The following DNASE2 variants were observed in gnomAD, a reference collection of about 807,000 sequenced individuals.
The protein encoded by DNASE2 is deoxyribonuclease 2, lysosomal.
In DNASE2, 26 loss-of-function variants were observed where a neutral mutation model predicts 29.8. That is an observed-to-expected ratio of 0.87 (90% CI 0.64 to 1.21). The LOEUF (loss-of-function observed/expected upper bound fraction) is 1.21, where lower values mean the gene tolerates loss of function less well. Ranked by LOEUF, DNASE2 falls within the 50% of genes most tolerant of loss-of-function variation. The pLI is 0.00. For missense variants in DNASE2, 415 were observed against 455.6 expected (o/e 0.91, Z 0.81); for synonymous variants, 186 against 193.5 (o/e 0.96, Z 0.32).
At position 12,875,872 on chromosome 19, in the gene DNASE2, G is replaced by A; in HGVS notation, c.*118C>T. The A allele has an allele frequency of 7.5e-7, 1 of 1,327,600 alleles. No homozygotes were observed. Among genetic ancestry groups the A allele is most frequent in the Non-Finnish European group, 1.0e-6 (1 of 963,028 alleles). 82.2% of individuals were successfully genotyped at this position (1,327,600 alleles called of 1,614,324 possible). A position where few individuals can be genotyped will look rare whatever the true frequency, so the allele number is the denominator to read the frequency against. On this transcript the variant is annotated 3_prime_UTR_variant, in exon 6 of 6. Transcript: ENST00000222219. ...ACTTTTTTTAAGTTCTAGTAGAGAT[G>A]TGGTCTCACTATGTAGCCCAGGCTG...
At chr19:12,879,974 G>A (rs1481864983) in intron 3 of DNASE2, among the ~76,000 whole-genome samples, 2 of 151,676 alleles carry the variant, frequency 1.3e-5, no homozygotes, top group East Asian at 1.9e-4. Context: ...GCATGGTGGC[G>A]CACACCTGTA....
chr19:12,876,236 T>C lies in DNASE2; in HGVS notation c.837A>G (p.Ile279Met), dbSNP rs1467028484. 3.1e-6 allele frequency: 5 copies of C among 1,614,096 alleles called. No individual in the cohort carries two copies. The Admixed American group carries it at 8.3e-5, about 27-fold the overall frequency. Reference protein sequence around the residue: ...DIWQVLNVNQIAFPGPAGPSF... With the variant: ...DIWQVLNVNQMAFPGPAGPSF... ...TTGGGCCGGCTGGTCCAGGGAAAGC[T>C]ATCTGGTTCACATTCAGAACCTGCC... The change falls in exon 6 of 6, where the codon ATA becomes ATG. Residue 279 changes from isoleucine to methionine, a missense_variant. By Grantham distance (10) the Ile-to-Met change is conservative. Transcript: ENST00000222219.
chr19:12,880,303 T>G (rs562776276), intron 3 of DNASE2, among the ~76,000 whole-genome samples: 1 of 151,514 alleles, frequency 6.6e-6, no homozygotes, highest in Non-Finnish European at 1.5e-5. Context: ...GCCCAAGGTC[T>G]GACAGGGGAG....
intron 5 of DNASE2, 160 bp downstream of exon 5, chr19:12,878,222 C>G (rs975250881): frequency 1.5e-4 from 136 of 882,320 alleles, no homozygotes; most frequent in Middle Eastern, 6.5e-4. Flanking sequence ...ATACATCACA[C>G]AGCAAAACCC....
Position 12,875,300 on chromosome 19 carries a change from G to A in DNASE2, c.*690C>T, listed in dbSNP as rs759529856. The A allele has an allele frequency of 3.5e-5, 7 of 202,622 alleles. No individual in the cohort carries two copies. Among genetic ancestry groups the A allele is most frequent in the East Asian group, 1.3e-4 (1 of 7,704 alleles). 12.6% of individuals were successfully genotyped at this position (202,622 alleles called of 1,614,324 possible). ...AGACAGGTAGACTGTGTCACAGAGCGGTTAAGGCACACAATCAAGGTCATA... is the reference window on the plus strand; with the variant it reads ...AGACAGGTAGACTGTGTCACAGAGCAGTTAAGGCACACAATCAAGGTCATA... On this transcript the variant is annotated 3_prime_UTR_variant, in exon 6 of 6. Transcript: ENST00000222219.
Position 12,878,503 on chromosome 19 carries a change from G to A in DNASE2, c.588C>T (p.Asp196=), listed in dbSNP as rs1489963733. The A allele has an allele frequency of 6.2e-7, 1 of 1,614,014 alleles. No homozygotes were observed. The highest frequency in any genetic ancestry group is 1.3e-5 in the African/African-American group (1 of 74,926). ...GGTGGCCCTTGACCACATTCTCCAA[G>A]TCGGGGAATTCCTGGGCAAAGATCC... is the stretch of plus-strand genomic sequence containing the variant. The part of the protein sequence containing the change: ...LEGIFAQEFP[D]LENVVKGHHV... The change falls in exon 5 of 6, where the codon GAC becomes GAT. Residue 196 remains aspartate, a synonymous_variant. Transcript: ENST00000222219.
intron 3 of DNASE2, among the ~76,000 whole-genome samples, chr19:12,879,787 T>C (rs1163601674): frequency 1.3e-5 from 2 of 151,916 alleles, no homozygotes; most frequent in Non-Finnish European, 2.9e-5. Flanking sequence ...CTAGGCAACA[T>C]GGCAAAAGCC....
Position 12,876,009 on chromosome 19 carries a change from C to T in DNASE2, c.1064G>A (p.Ser355Asn), listed in dbSNP as rs752955913. The part of the protein sequence containing the change: ...QPCNGMARKP[S>N]RAYKI ...TAAGGGTTAGATCTTATAAGCTCTG[C>T]TGGGCTTCCTGGCCATGCCATTACA... Residue 355 changes from serine (S) to asparagine (N), a missense_variant, in exon 6 of 6, where the codon AGC (serine) becomes AAC (asparagine). Physicochemically the swap from Ser to Asn is conservative, Grantham distance 46. Transcript: ENST00000222219. The T allele has an allele frequency of 3.1e-6, 5 of 1,613,598 alleles. No homozygotes were observed. The South Asian group carries it at 5.5e-5, about 18-fold the overall frequency.
chr19:12,875,708 C>T lies in DNASE2; in HGVS notation c.*282G>A, dbSNP rs11670107. The T allele has an allele frequency of 2.3e-5, 7 of 300,522 alleles. No homozygotes were observed. Among genetic ancestry groups the T allele is most frequent in the African/African-American group, 1.1e-4 (5 of 43,732 alleles). The allele number at this position is 300,522 out of a possible 1,614,324, so 18.6% of individuals were successfully genotyped here. A position where few individuals can be genotyped will look rare whatever the true frequency, so the allele number is the denominator to read the frequency against. On this transcript the variant is annotated 3_prime_UTR_variant, in exon 6 of 6. Coordinates refer to ENST00000222219, the MANE Select transcript of DNASE2 (RefSeq NM_001375.3). ...TGCACCCACCCGTCCCCCGCCCCCC[C>T]TTTTTTTTTGAAACAGAGTCTTGCT...
Position 12,878,583 on chromosome 19 carries a change from G to A in DNASE2, c.512-4C>T. The A allele has an allele frequency of 5.0e-6, 8 of 1,613,972 alleles. No homozygotes were observed. Among genetic ancestry groups the A allele is most frequent in the Non-Finnish European group, 6.8e-6 (8 of 1,179,988 alleles). ...TAGGTGTAGGTCAGCTGCTTGCCTG[G>A]AGGACAAGGGGAGGAGGAAATGCAA... On this transcript the variant is annotated splice_polypyrimidine_tract_variant and splice_region_variant and intron_variant, in intron 4 of 5. Coordinates refer to ENST00000222219, the MANE Select transcript of DNASE2 (RefSeq NM_001375.3).
rs1275901249 is a variant in DNASE2 at position 12,878,835 on chromosome 19, C to A, written c.347-1G>T. On this transcript the variant is annotated splice_acceptor_variant, in intron 3 of 5. Transcript: ENST00000222219. LOFTEE classifies it high-confidence loss of function. ...CCATCGTGGTCAAGGAGCAGGACAC[C>A]TGGACCAAAAGAAGGCATTAGGGGA... 3 of 1,611,964 alleles carry A rather than the reference C, an allele frequency of 1.9e-6. No homozygotes were observed. The highest frequency in any genetic ancestry group is 2.2e-5 in the South Asian group (2 of 90,858).
At position 12,878,815 on chromosome 19, in the gene DNASE2, G is replaced by C; in HGVS notation, c.366C>G (p.His122Gln). The change falls in exon 4 of 6, where the codon CAC becomes CAG. Residue 122 changes from histidine to glutamine, a missense_variant. His to Gln is a conservative substitution (Grantham distance 24, BLOSUM62 0). Transcript: ENST00000222219. ...GHTKGVLLLDHDGGFWLVHSV... is the reference protein window; with the variant it reads ...GHTKGVLLLDQDGGFWLVHSV... Reference sequence around the variant, plus strand: ...TGTGGACCAGCCAGAAGCCCCCATCGTGGTCAAGGAGCAGGACACCTGGAC... The same window carrying C: ...TGTGGACCAGCCAGAAGCCCCCATCCTGGTCAAGGAGCAGGACACCTGGAC... 1.2e-6 allele frequency: 2 copies of C among 1,613,344 alleles called. No homozygotes were observed. The highest frequency in any genetic ancestry group is 2.2e-5 in the South Asian group (2 of 90,998).
chr19:12,881,308 G>T lies in DNASE2; in HGVS notation c.68C>A (p.Ser23Tyr). The change falls in exon 1 of 6, where the codon TCC becomes TAC. Residue 23 changes from serine (S) to tyrosine (Y), a missense_variant. Physicochemically the swap from Ser to Tyr is moderately radical, Grantham distance 144. Coordinates refer to ENST00000222219, the MANE Select transcript of DNASE2 (RefSeq NM_001375.3). ...PAGALTCYGD[S>Y]GQPVDWFVVY... ...CACTCACCAGTCTACAGGCTGCCCGGAGTCCCCGTAGCAGGTCAGGGCCCC... is the reference window on the plus strand; with the variant it reads ...CACTCACCAGTCTACAGGCTGCCCGTAGTCCCCGTAGCAGGTCAGGGCCCC... 6.4e-7 allele frequency: 1 copy of T among 1,572,136 alleles called. No homozygotes were observed. Among genetic ancestry groups the T allele is most frequent in the Non-Finnish European group, 8.6e-7 (1 of 1,159,668 alleles).
chr19:12,878,771 G>A lies in DNASE2; in HGVS notation c.410C>T (p.Pro137Leu). ...GCTGTATGCAGCAGAGGAGGCCGGT[G>A]GAGGGAAGTTAGGTACACTGTGGAC... ...WLVHSVPNFPPPASSAAYSWP... is the reference protein window; with the variant it reads ...WLVHSVPNFPLPASSAAYSWP... The change falls in exon 4 of 6, where the codon CCA becomes CTA. Residue 137 changes from proline to leucine, a missense_variant. Coordinates refer to ENST00000222219, the MANE Select transcript of DNASE2 (RefSeq NM_001375.3). 1 of 1,614,042 alleles carries A rather than the reference G, an allele frequency of 6.2e-7. No individual in the cohort carries two copies. The highest frequency in any genetic ancestry group is 8.5e-7 in the Non-Finnish European group (1 of 1,179,990).
chr19:12,876,460 T>C, intron 5 of DNASE2, 97 bp from the exon 6 acceptor site: 1 of 137,476 alleles, frequency 7.3e-6, no homozygotes, highest in Non-Finnish European at 1.0e-5. Context: ...CCATATTTCC[T>C]TTTTTTTTTT....
chr19:12,879,578 G>A (rs1447727583), intron 3 of DNASE2, among the ~76,000 whole-genome samples: 2 of 152,158 alleles, frequency 1.3e-5, no homozygotes, highest in Non-Finnish European at 2.9e-5. Context: ...GTTTGCAGCG[G>A]GGCTTAGAGA....
At chr19:12,879,563 C>T (rs888393443) in intron 3 of DNASE2, among the ~76,000 whole-genome samples, 9 of 151,972 alleles carry the variant, frequency 5.9e-5, no homozygotes, top group Admixed American at 5.9e-4. Flanking sequence ...TCAGGAACAC[C>T]CTCAGTTTGC....
Position 12,878,489 on chromosome 19 carries a change from A to G in DNASE2, c.602T>C (p.Val201Ala). The G allele has an allele frequency of 6.2e-7, 1 of 1,614,078 alleles. No homozygotes were observed. Residue 201 changes from valine to alanine, a missense_variant, in exon 5 of 6, where the codon GTC becomes GCC. Transcript: ENST00000222219. Reference sequence around the variant, plus strand: ...TTCTTGGCTAACGTGGTGGCCCTTGACCACATTCTCCAAGTCGGGGAATTC... The same window carrying G: ...TTCTTGGCTAACGTGGTGGCCCTTGGCCACATTCTCCAAGTCGGGGAATTC... ...AQEFPDLENVVKGHHVSQEPW... is the reference protein window; with the variant it reads ...AQEFPDLENVAKGHHVSQEPW...
chr19:12,877,384 T>C (rs1274253749), intron 5 of DNASE2, among the ~76,000 whole-genome samples: 3 of 151,436 alleles, frequency 2.0e-5, no homozygotes, highest in African/African-American at 7.3e-5. Flanking sequence ...GGACTACACG[T>C]GTGTGCCACT....
Sources: gnomAD v4.1 joint callset for allele counts (sites outside exome capture counted in the v4.1 genomes callset) on GRCh38, gnomAD v4.1.1 for gene constraint, MANE v1.5 for transcripts, NCBI Gene and HGNC (gene_info 2026-07-23, HGNC 2026-07-21) for gene names.